CEP57L1: variants seen among roughly 807,000 people sequenced by gnomAD.
CEP57L1 encodes centrosomal protein 57 like 1, also known as centrosomal protein CEP57L1.
Under a neutral mutation model 61.0 loss-of-function variants are expected in CEP57L1, and 37 were observed. The observed-to-expected ratio is 0.61, with a 90% CI of 0.47 to 0.80. CEP57L1 has a LOEUF of 0.80. Ranked by LOEUF, CEP57L1 falls within the 30% of genes least tolerant of loss-of-function variation. CEP57L1 has a pLI of 0.00. For missense variants in CEP57L1, 422 were observed against 524.7 expected (o/e 0.80, Z 1.91); for synonymous variants, 137 against 162.3 (o/e 0.84, Z 1.19).
At chr6:109,102,915 A>G (rs1562493942) in intron 1 of CEP57L1, among the ~76,000 whole-genome samples, 1 of 152,202 alleles carries the variant, frequency 6.6e-6, no homozygotes, top group Non-Finnish European at 1.5e-5. Context: ...TAACAGTTCC[A>G]TTTTAGTTAT....
chr6:109,101,102 G>A lies in CEP57L1; in HGVS notation c.-4+5527G>A, dbSNP rs1782339528. 3.3e-5 allele frequency among the ~76,000 whole-genome samples: 5 copies of A among 152,250 alleles called. No individual in the cohort carries two copies. In the South Asian group the frequency reaches 1.0e-3, roughly 32 times the overall value. On this transcript the variant is annotated intron_variant, in intron 1 of 10. Transcript: ENST00000517392. ...AGTCTGGGCGACAGAGTATGACTCT[G>A]TCTTAGGAAAAAAACAAAACAAAAC...
At position 109,146,889 on chromosome 6, in the gene CEP57L1, A is replaced by G; in HGVS notation, c.292A>G (p.Thr98Ala). Residue 98 changes from threonine to alanine, a missense_variant, in exon 3 of 11, where the codon ACA becomes GCA. By Grantham distance (58) the Thr-to-Ala change is moderately conservative. Transcript: ENST00000517392. ...AQYKKALENE[T>A]NERNLAHQEL... ...GTATAAGAAGGCCTTAGAGAATGAA[A>G]CAAATGAGAGAAATCTGGCACACCA... 6.2e-7 allele frequency: 1 copy of G among 1,609,672 alleles called. No homozygotes were observed. The highest frequency in any genetic ancestry group is 1.3e-5 in the African/African-American group (1 of 74,724).
chr6:109,109,220 A>G (rs1225191333), intron 1 of CEP57L1, among the ~76,000 whole-genome samples: 1 of 152,196 alleles, frequency 6.6e-6, no homozygotes, highest in African/African-American at 2.4e-5. Flanking sequence ...GTGGAATGCT[A>G]ATCTCTTAAG....
intron 1 of CEP57L1, among the ~76,000 whole-genome samples, chr6:109,116,884 A>G (rs144672778): frequency 6.6e-6 from 1 of 152,342 alleles, no homozygotes; most frequent in Non-Finnish European, 1.5e-5. Flanking sequence ...ACATACTTCT[A>G]AAGAATGATA....
At chr6:109,129,333 A>G (rs1392577170) in intron 1 of CEP57L1, 19 of 1,124,384 alleles carry the variant, frequency 1.7e-5, no homozygotes, top group Non-Finnish European at 2.0e-5. Flanking sequence ...TCACTTGGAT[A>G]TAATAATATA....
At chr6:109,104,151 C>G (rs1477381548) in intron 1 of CEP57L1, among the ~76,000 whole-genome samples, 1 of 150,984 alleles carries the variant, frequency 6.6e-6, no homozygotes, top group Non-Finnish European at 1.5e-5. Context: ...AGATATCTTA[C>G]TATCTGTAAC....
intron 1 of CEP57L1, among the ~76,000 whole-genome samples, chr6:109,122,414 G>A (rs1773079734): frequency 6.6e-6 from 1 of 152,052 alleles, no homozygotes; most frequent in African/African-American, 2.4e-5. Flanking sequence ...CTTTACATGG[G>A]AGGCTCTTAT....
chr6:109,101,275 C>G (rs528492126), intron 1 of CEP57L1, among the ~76,000 whole-genome samples: 1 of 152,268 alleles, frequency 6.6e-6, no homozygotes, highest in African/African-American at 2.4e-5. Flanking sequence ...TGGTCATGGA[C>G]CATGGAATCA....
In CEP57L1 at chr6:109,170,016, C is replaced by T. The variant is rs1774328384; in HGVS notation, c.*7046C>T. 6.6e-6 allele frequency among the ~76,000 whole-genome samples: 1 copy of T among 152,106 alleles called. No individual in the cohort carries two copies. The highest frequency in any genetic ancestry group is 6.5e-5 in the Admixed American group (1 of 15,272). On this transcript the variant is annotated 3_prime_UTR_variant, in exon 11 of 11. Coordinates refer to ENST00000517392, the MANE Select transcript of CEP57L1 (RefSeq NM_001271852.3). ...GATAGCTTCATTAAATAAACTAACT[C>T]CTGAGAGGATTTCTTTGGCCTTTAA...
chr6:109,164,810 G>A lies in CEP57L1; in HGVS notation c.*1840G>A, dbSNP rs145485782. On this transcript the variant is annotated 3_prime_UTR_variant, in exon 11 of 11. Transcript: ENST00000517392. ...AAAAATTTAAAAACCGTCCAGGCGCGGTGGCTCACACCTATAATCCCAGCA... is the reference window on the plus strand; with the variant it reads ...AAAAATTTAAAAACCGTCCAGGCGCAGTGGCTCACACCTATAATCCCAGCA... 1.1e-3 allele frequency among the ~76,000 whole-genome samples: 168 copies of A among 152,112 alleles called. 1 individual carries two copies. The highest frequency in any genetic ancestry group is 3.5e-3 in the African/African-American group (147 of 41,530).
chr6:109,152,536 A>G (rs879449085), intron 4 of CEP57L1, among the ~76,000 whole-genome samples: 4 of 152,176 alleles, frequency 2.6e-5, no homozygotes, highest in Non-Finnish European at 5.9e-5. Context: ...AGCAGATAGT[A>G]TAGAAAGAGT....
chr6:109,153,044 A>C (rs975139423), intron 4 of CEP57L1, among the ~76,000 whole-genome samples: 1 of 151,582 alleles, frequency 6.6e-6, no homozygotes, highest in Non-Finnish European at 1.5e-5. Flanking sequence ...CCAGGAGACA[A>C]AGGTTGCAGT....
At chr6:109,102,640 C>T (rs1278232675) in intron 1 of CEP57L1, among the ~76,000 whole-genome samples, 1 of 151,812 alleles carries the variant, frequency 6.6e-6, no homozygotes, top group African/African-American at 2.4e-5. Flanking sequence ...GGTTTATGAT[C>T]CATTTTTTAG....
intron 7 of CEP57L1, 32 bp from the exon 8 acceptor site, chr6:109,158,993 C>T: frequency 1.3e-6 from 2 of 1,578,300 alleles, no homozygotes; most frequent in Non-Finnish European, 1.7e-6. Flanking sequence ...AAAATAATTT[C>T]TTGTTTACGT....
At chr6:109,142,970 T>G (rs1008694424) in intron 1 of CEP57L1, among the ~76,000 whole-genome samples, 4 of 112,332 alleles carry the variant, frequency 3.6e-5, no homozygotes, top group African/African-American at 7.0e-5. Context: ...TCTCTCTCTC[T>G]CTCTCTCTCT....
At chr6:109,136,019 G>T (rs1770624798) in intron 1 of CEP57L1, among the ~76,000 whole-genome samples, 1 of 152,130 alleles carries the variant, frequency 6.6e-6, no homozygotes, top group African/African-American at 2.4e-5. Context: ...ATTCCTCAGG[G>T]ATCTAGAACT....
intron 1 of CEP57L1, among the ~76,000 whole-genome samples, chr6:109,120,912 GCACACACACACACACACACACACACA>G (rs71747421): frequency 5.2e-5 from 7 of 133,542 alleles, no homozygotes; most frequent in South Asian, 2.5e-4. Flanking sequence ...TTAGACACAC[GCACACACACACACACACACACACACA>G]CACACACACA....
At chr6:109,135,618 T>G (rs1253936506) in intron 1 of CEP57L1, among the ~76,000 whole-genome samples, 1 of 151,796 alleles carries the variant, frequency 6.6e-6, no homozygotes, top group Non-Finnish European at 1.5e-5. Context: ...ACCATCAGAG[T>G]GAACAGGCAA....
At position 109,111,573 on chromosome 6, in the gene CEP57L1, A is replaced by G. The variant is rs111247865; in HGVS notation, c.-4+15998A>G. Among the ~76,000 whole-genome samples, 718 of 152,248 alleles carry G rather than the reference A, an allele frequency of 4.7e-3. 2 individuals carry two copies. The highest frequency in any genetic ancestry group is 0.015 in the African/African-American group (605 of 41,548). On this transcript the variant is annotated intron_variant, in intron 1 of 10. Transcript: ENST00000517392. ...TCCAATACTATGTTGGATAGGAGTG[A>G]TGAGAGAGGGCATCCTTGTCTTCTG...
Sources: gnomAD v4.1 joint callset for allele counts (sites outside exome capture counted in the v4.1 genomes callset) on GRCh38, gnomAD v4.1.1 for gene constraint, MANE v1.5 for transcripts, NCBI Gene and HGNC (gene_info 2026-07-23, HGNC 2026-07-21) for gene names.